SPMIP2: variants seen among roughly 807,000 people sequenced by gnomAD.
The protein encoded by SPMIP2 is sperm microtubule inner protein 2, also known as protein SPMIP2.
the SPMIP2 span, among the ~76,000 whole-genome samples, chr4:158,946,871 C>T: frequency 1.3e-5 from 2 of 152,202 alleles, no homozygotes; most frequent in Non-Finnish European, 2.9e-5. Flanking sequence ...ACTTCTGAAT[C>T]CCAGGCCTAG....
the SPMIP2 span, among the ~76,000 whole-genome samples, chr4:158,974,675 A>G: frequency 1.3e-5 from 2 of 152,198 alleles, no homozygotes; most frequent in African/African-American, 4.8e-5. Context: ...TGCATGGTAT[A>G]TATGTGCCAC....
At chr4:159,066,976 C>T in the SPMIP2 span, among the ~76,000 whole-genome samples, 3 of 152,268 alleles carry the variant, frequency 2.0e-5, no homozygotes, top group African/African-American at 7.2e-5. Flanking sequence ...TTGATTTACA[C>T]TATCTGCATG....
the SPMIP2 span, among the ~76,000 whole-genome samples, chr4:159,012,623 G>A: frequency 0.98 from 148,652 of 152,082 alleles, 72,748 homozygotes; most frequent in East Asian, 1. Context: ...CCACACTGGA[G>A]TGCAGTGGTG....
the SPMIP2 span, among the ~76,000 whole-genome samples, chr4:158,985,712 G>C: frequency 6.6e-6 from 1 of 151,564 alleles, no homozygotes; most frequent in Non-Finnish European, 1.5e-5. Flanking sequence ...CATTCCCTTT[G>C]AAAACTGGCA....
chr4:158,944,908 A>G, the SPMIP2 span, among the ~76,000 whole-genome samples: 180 of 152,182 alleles, frequency 1.2e-3, 1 homozygote, highest in African/African-American at 4.1e-3. Context: ...GCTCACATCT[A>G]TCTTCCATCC....
the SPMIP2 span, among the ~76,000 whole-genome samples, chr4:158,921,241 C>A: frequency 2.0e-5 from 3 of 152,140 alleles, no homozygotes; most frequent in African/African-American, 7.2e-5. Flanking sequence ...GAGTACAAGA[C>A]CAGCCTGTCC....
At chr4:159,007,627 G>A in the SPMIP2 span, 104 of 936,170 alleles carry the variant, frequency 1.1e-4, no homozygotes, top group East Asian at 2.5e-3. Context: ...TTCTCAGAAC[G>A]TCGGGATGCT....
At chr4:158,915,356 T>C in the SPMIP2 span, 8 of 1,607,926 alleles carry the variant, frequency 5.0e-6, no homozygotes, top group East Asian at 1.8e-4. Flanking sequence ...GAGGTTTTGG[T>C]TGCCTGGAAT....
At chr4:159,022,392 T>C in the SPMIP2 span, among the ~76,000 whole-genome samples, 1 of 152,198 alleles carries the variant, frequency 6.6e-6, no homozygotes, top group Non-Finnish European at 1.5e-5. Flanking sequence ...AAATTAAAAG[T>C]ATGTTCCCAT....
chr4:159,023,884 G>A, the SPMIP2 span, among the ~76,000 whole-genome samples: 2 of 152,160 alleles, frequency 1.3e-5, no homozygotes, highest in African/African-American at 2.4e-5. Flanking sequence ...CAAGAATAAA[G>A]CTTAGAAATA....
At chr4:158,989,754 G>T in the SPMIP2 span, among the ~76,000 whole-genome samples, 3 of 152,170 alleles carry the variant, frequency 2.0e-5, no homozygotes, top group Non-Finnish European at 2.9e-5. Flanking sequence ...AGACTTAAAT[G>T]TAAGACCTAA....
the SPMIP2 span, among the ~76,000 whole-genome samples, chr4:158,914,687 C>T: frequency 5.9e-4 from 90 of 152,270 alleles, no homozygotes; most frequent in Non-Finnish European, 1.2e-3. Context: ...ATAAAATATT[C>T]AAAACAGATA....
chr4:158,975,076 CAT>C, the SPMIP2 span, among the ~76,000 whole-genome samples: 2 of 152,160 alleles, frequency 1.3e-5, no homozygotes, highest in African/African-American at 2.4e-5. Context: ...AGCTTTTATT[CAT>C]ATGTTTGTTG....
chr4:159,059,358 T>C, the SPMIP2 span, among the ~76,000 whole-genome samples: 5 of 152,184 alleles, frequency 3.3e-5, no homozygotes, highest in African/African-American at 1.2e-4. Context: ...ATAGAGCAGA[T>C]AGAGTTTATT....
At chr4:158,946,043 A>G in the SPMIP2 span, among the ~76,000 whole-genome samples, 1 of 152,202 alleles carries the variant, frequency 6.6e-6, no homozygotes, top group Non-Finnish European at 1.5e-5. Flanking sequence ...AAATGCTAAG[A>G]AATTATAGAT....
At chr4:159,040,610 T>C in the SPMIP2 span, among the ~76,000 whole-genome samples, 1 of 151,926 alleles carries the variant, frequency 6.6e-6, no homozygotes. Context: ...AGATTAGAGG[T>C]GTGTACCACC....
At chr4:159,077,985 A>C in the SPMIP2 span, among the ~76,000 whole-genome samples, 13 of 152,204 alleles carry the variant, frequency 8.5e-5, no homozygotes, top group Non-Finnish European at 1.6e-4. Context: ...AAGTTTATAT[A>C]TAAATAACAT....
chr4:158,940,192 C>G, the SPMIP2 span, among the ~76,000 whole-genome samples: 1 of 152,160 alleles, frequency 6.6e-6, no homozygotes. Context: ...CTCCCTGTGT[C>G]TTTACATGGT....
At chr4:158,936,245 C>A in the SPMIP2 span, among the ~76,000 whole-genome samples, 1 of 152,306 alleles carries the variant, frequency 6.6e-6, no homozygotes, top group Admixed American at 6.5e-5. Context: ...AAGAAAATCA[C>A]TGTTTGTTTG....
Sources: gnomAD v4.1 joint callset for allele counts (sites outside exome capture counted in the v4.1 genomes callset) on GRCh38, gnomAD v4.1.1 for gene constraint, MANE v1.5 for transcripts, NCBI Gene and HGNC (gene_info 2026-07-23, HGNC 2026-07-21) for gene names.